SUSD4: variants seen among roughly 807,000 people sequenced by gnomAD.
SUSD4 encodes the protein sushi domain containing 4.
SUSD4 carries 41 observed loss-of-function variants against 50.5 expected under a neutral mutation model. The observed-to-expected ratio is 0.81, with a 90% CI of 0.63 to 1.05. SUSD4 has a LOEUF of 1.05. SUSD4 is among the 50% of genes least tolerant of loss of function. SUSD4 has a pLI of 0.00. For missense variants in SUSD4, 580 were observed against 634.7 expected, an observed-to-expected ratio of 0.91 and a Z score of 0.93; for synonymous variants, 257 against 257.3, an observed-to-expected ratio of 1.00 and a Z score of 0.01.
intron 2 of SUSD4, among the ~76,000 whole-genome samples, chr1:223,304,100 G>C (rs1000149781): frequency 1.3e-5 from 2 of 152,136 alleles, no homozygotes; most frequent in African/African-American, 4.8e-5. Flanking sequence ...GCGTTTATAG[G>C]CCTGTCTTAT....
intron 7 of SUSD4, among the ~76,000 whole-genome samples, 179 bp from the exon 8 acceptor site, chr1:223,223,810 C>A (rs183951718): frequency 2.0e-4 from 30 of 152,346 alleles, no homozygotes; most frequent in African/African-American, 7.2e-4. Context: ...GATGATGCTG[C>A]CATCCCGGCT....
intron 4 of SUSD4, among the ~76,000 whole-genome samples, chr1:223,268,042 T>TATATATATAC (rs869264392): frequency 1.8e-4 from 19 of 106,838 alleles, no homozygotes; most frequent in African/African-American, 5.8e-4. Context: ...TATATATATA[T>TATATATATAC]ACACACACAC....
At chr1:223,302,148 C>G (rs1395727320) in intron 2 of SUSD4, among the ~76,000 whole-genome samples, 3 of 152,156 alleles carry the variant, frequency 2.0e-5, no homozygotes, top group Non-Finnish European at 2.9e-5. Context: ...CCTGCTCCAG[C>G]CACGTAAGAT....
intron 2 of SUSD4, among the ~76,000 whole-genome samples, chr1:223,362,040 TA>T (rs150293074): frequency 6.5e-4 from 97 of 149,958 alleles, no homozygotes; most frequent in East Asian, 1.2e-3. Context: ...TATTCCTTCT[TA>T]AAAAAAAAAT....
At chr1:223,268,959 T>A (rs1201571728) in intron 3 of SUSD4, among the ~76,000 whole-genome samples, 1 of 152,134 alleles carries the variant, frequency 6.6e-6, no homozygotes, top group Non-Finnish European at 1.5e-5. Flanking sequence ...GTACAGCTGA[T>A]CTTATGAACA....
intron 2 of SUSD4, among the ~76,000 whole-genome samples, chr1:223,329,955 T>C (rs1245688883): frequency 6.6e-6 from 1 of 152,016 alleles, no homozygotes; most frequent in African/African-American, 2.4e-5. Flanking sequence ...AATGGATGAA[T>C]AGATGAACAA....
At chr1:223,322,556 A>G (rs1666636527) in intron 2 of SUSD4, among the ~76,000 whole-genome samples, 3 of 152,218 alleles carry the variant, frequency 2.0e-5, no homozygotes, top group Admixed American at 1.3e-4. Context: ...TAATTGTGAT[A>G]TAAGATAAGA....
At chr1:223,314,238 T>G (rs1194964322) in intron 2 of SUSD4, among the ~76,000 whole-genome samples, 3 of 152,160 alleles carry the variant, frequency 2.0e-5, no homozygotes, top group Non-Finnish European at 4.4e-5. Context: ...AAACTCACTC[T>G]GGCAAAAGGG....
chr1:223,290,980 C>G (rs1276066185), intron 3 of SUSD4, among the ~76,000 whole-genome samples: 1 of 151,904 alleles, frequency 6.6e-6, no homozygotes, highest in Non-Finnish European at 1.5e-5. Context: ...ACCAAGTAAC[C>G]TTTAAATAGA....
In SUSD4 at chr1:223,227,575, GC is replaced by G; in HGVS notation, c.1061+18del. 1 of 1,610,488 alleles carries G rather than the reference GC, an allele frequency of 6.2e-7. No individual in the cohort carries two copies. Among genetic ancestry groups the G allele is most frequent in the Non-Finnish European group, 8.5e-7 (1 of 1,177,170 alleles). Reference sequence around the variant, plus strand: ...TTGAGTCAGACCTTGAGCCACAGCTGCCAAGACATGACACTGACCTGGGGGG... The same window carrying G: ...TTGAGTCAGACCTTGAGCCACAGCTGCAAGACATGACACTGACCTGGGGGG... On this transcript the variant is annotated intron_variant, in intron 7 of 8. Transcript: ENST00000366878. The surrounding 1 kb of genome is among the most constrained non-coding windows in gnomAD (Gnocchi z 4.5).
intron 2 of SUSD4, among the ~76,000 whole-genome samples, chr1:223,338,283 C>A (rs1475798575): frequency 6.6e-6 from 1 of 152,218 alleles, no homozygotes; most frequent in Admixed American, 6.5e-5. Flanking sequence ...AGCCGCTGTT[C>A]TCAGCCGAAT....
chr1:223,225,053 A>T (rs1558160525), intron 7 of SUSD4, among the ~76,000 whole-genome samples: 1 of 151,402 alleles, frequency 6.6e-6, no homozygotes. Flanking sequence ...TATTTTTAGG[A>T]GAGACAAGGT....
chr1:223,365,007 G>T (rs905756257), upstream of SUSD4, among the ~76,000 whole-genome samples: 1 of 152,110 alleles, frequency 6.6e-6, no homozygotes, highest in Non-Finnish European at 1.5e-5. Flanking sequence ...TTGGAGATGC[G>T]CGGGGCCCTC....
chr1:223,263,987 G>C (rs1662303160), intron 5 of SUSD4: 2 of 985,294 alleles, frequency 2.0e-6, no homozygotes, highest in Non-Finnish European at 2.4e-6. Flanking sequence ...CTGAGTTAAA[G>C]CAAGAGCTGA....
At chr1:223,337,614 C>A (rs765561833) in intron 2 of SUSD4, among the ~76,000 whole-genome samples, 3 of 152,124 alleles carry the variant, frequency 2.0e-5, no homozygotes, top group African/African-American at 7.2e-5. Flanking sequence ...ATTAGGACAC[C>A]GCAGCCTGGA....
chr1:223,350,229 C>T (rs892092783), intron 2 of SUSD4, among the ~76,000 whole-genome samples: 7 of 152,224 alleles, frequency 4.6e-5, no homozygotes, highest in African/African-American at 1.7e-4. Context: ...CAGTATCCCA[C>T]ATAGGCTCGA....
chr1:223,360,463 A>G (rs939888399), intron 2 of SUSD4, among the ~76,000 whole-genome samples: 5 of 152,180 alleles, frequency 3.3e-5, no homozygotes, highest in African/African-American at 4.8e-5. Context: ...CTTAACGACA[A>G]AAGACAACCT....
chr1:223,350,478 G>GAGGGGC (rs1325636051), intron 2 of SUSD4, among the ~76,000 whole-genome samples: 25 of 152,340 alleles, frequency 1.6e-4, no homozygotes, highest in African/African-American at 5.5e-4. Context: ...ACTCCCAAGA[G>GAGGGGC]AGGGGCAAGG....
chr1:223,358,753 CAA>C (rs1379840952), intron 2 of SUSD4: 2 of 158,752 alleles, frequency 1.3e-5, no homozygotes, highest in African/African-American at 4.8e-5. Flanking sequence ...CTGGATAAAT[CAA>C]AAGAGTCTCC....
Sources: gnomAD v4.1 joint callset for allele counts (sites outside exome capture counted in the v4.1 genomes callset) on GRCh38, gnomAD v4.1.1 for gene constraint, Gnocchi (gnomAD v3.1) non-coding constraint, MANE v1.5 for transcripts, NCBI Gene and HGNC (gene_info 2026-07-23, HGNC 2026-07-21) for gene names.